The following FTO variants were observed in gnomAD, a reference collection of about 807,000 sequenced individuals.
The protein encoded by FTO is alpha-ketoglutarate-dependent dioxygenase FTO.
In FTO, 47 loss-of-function variants were observed where a neutral mutation model predicts 63.9. The observed-to-expected ratio is 0.74, with a 90% CI of 0.58 to 0.94. The LOEUF (loss-of-function observed/expected upper bound fraction) is 0.94, where lower values mean the gene tolerates loss of function less well. Among genes scored for constraint, FTO ranks in the 40% least tolerant of loss-of-function variants. The pLI is 0.00. For missense variants in FTO, 562 were observed against 618.1 expected (o/e 0.91, Z 0.96); for synonymous variants, 207 against 224.4 (o/e 0.92, Z 0.69).
intron 8 of FTO, among the ~76,000 whole-genome samples, chr16:54,015,753 C>T (rs8043737): frequency 0.52 from 79,707 of 152,016 alleles, 23,409 homozygotes; most frequent in African/African-American, 0.79. Flanking sequence ...TTCTGTGAAG[C>T]GCGGGTACTT....
intron 8 of FTO, among the ~76,000 whole-genome samples, chr16:53,936,485 G>A (rs2143303131): frequency 6.6e-6 from 1 of 152,300 alleles, no homozygotes; most frequent in East Asian, 1.9e-4. Flanking sequence ...CCTCATCAAA[G>A]TGTCATCTGG....
chr16:54,108,014 TCTCCCCTGGCTG>T (rs2086795317), intron 8 of FTO, among the ~76,000 whole-genome samples: 2 of 152,046 alleles, frequency 1.3e-5, no homozygotes, highest in African/African-American at 4.8e-5. Context: ...CAATCAAGGC[TCTCCCCTGGCTG>T]TAGAGGTGGA....
At chr16:53,977,698 A>C (rs1279248873) in intron 8 of FTO, among the ~76,000 whole-genome samples, 1 of 152,096 alleles carries the variant, frequency 6.6e-6, no homozygotes, top group African/African-American at 2.4e-5. Context: ...TATTTCTTTG[A>C]AGCATGATGA....
At chr16:53,891,367 T>A (rs573371684) in intron 7 of FTO, among the ~76,000 whole-genome samples, 2,484 of 152,090 alleles carry the variant, frequency 0.016, 66 homozygotes, top group African/African-American at 0.057. Context: ...TTATTTTTTT[T>A]AAGTAAAATC....
At chr16:53,843,042 A>G (rs1365205437) in intron 3 of FTO, among the ~76,000 whole-genome samples, 1 of 152,162 alleles carries the variant, frequency 6.6e-6, no homozygotes, top group African/African-American at 2.4e-5. Flanking sequence ...AGATAGTTCC[A>G]TATCTGTATA....
intron 8 of FTO, among the ~76,000 whole-genome samples, chr16:54,096,901 C>T (rs887698178): frequency 6.6e-6 from 1 of 152,164 alleles, no homozygotes; most frequent in Non-Finnish European, 1.5e-5. Flanking sequence ...AGGACACAGA[C>T]ATTTAGTCCG....
chr16:53,748,928 C>T (rs138723930), intron 1 of FTO, among the ~76,000 whole-genome samples: 27 of 151,832 alleles, frequency 1.8e-4, no homozygotes, highest in African/African-American at 6.5e-4. Flanking sequence ...CGTGCCCGGC[C>T]AACTTTTTTG....
At chr16:53,711,163 G>GTA (rs60261423) in intron 1 of FTO, among the ~76,000 whole-genome samples, 4,118 of 150,196 alleles carry the variant, frequency 0.027, 94 homozygotes, top group Middle Eastern at 0.066. Context: ...TATTCTGTAT[G>GTA]TATATATATA....
intron 8 of FTO, among the ~76,000 whole-genome samples, chr16:54,030,223 A>T (rs2084797478): frequency 6.6e-6 from 1 of 152,216 alleles, no homozygotes; most frequent in African/African-American, 2.4e-5. Context: ...ATAGTTCTAG[A>T]ATTCTGTCTA....
intron 4 of FTO, among the ~76,000 whole-genome samples, chr16:53,867,527 G>A (rs1363749672): frequency 6.7e-6 from 1 of 149,848 alleles, no homozygotes; most frequent in African/African-American, 2.5e-5. Flanking sequence ...GTGTGTGTGT[G>A]TTTGTGTGTA....
intron 1 of FTO, among the ~76,000 whole-genome samples, chr16:53,743,607 G>T (rs1375774235): frequency 6.7e-6 from 1 of 148,986 alleles, no homozygotes; most frequent in Non-Finnish European, 1.5e-5. Flanking sequence ...ATTGTAACAT[G>T]TTTGCAGATA....
chr16:54,048,144 A>C (rs1486441052), intron 8 of FTO, among the ~76,000 whole-genome samples: 1 of 143,736 alleles, frequency 7.0e-6, no homozygotes, highest in Non-Finnish European at 1.5e-5. Flanking sequence ...AAAAAAAAAG[A>C]ATTTCCCTAA....
intron 4 of FTO, among the ~76,000 whole-genome samples, chr16:53,851,108 T>C (rs1412737543): frequency 6.6e-6 from 1 of 152,010 alleles, no homozygotes; most frequent in East Asian, 1.9e-4. Flanking sequence ...TGACGCATGC[T>C]ATCTCTACTA....
chr16:53,770,978 T>A (rs2077320385), intron 1 of FTO, among the ~76,000 whole-genome samples: 1 of 152,176 alleles, frequency 6.6e-6, no homozygotes. Context: ...TTACACACTT[T>A]GCTGTTGTCC....
intron 8 of FTO, among the ~76,000 whole-genome samples, chr16:54,027,995 G>GTT (rs57645591): frequency 6.6e-6 from 1 of 150,964 alleles, no homozygotes; most frequent in African/African-American, 2.4e-5. Flanking sequence ...TGGAGTTTGT[G>GTT]TTTTTTTTTG....
intron 8 of FTO, among the ~76,000 whole-genome samples, chr16:53,976,489 T>C (rs2083441045): frequency 6.6e-6 from 1 of 152,114 alleles, no homozygotes; most frequent in Non-Finnish European, 1.5e-5. Context: ...AAACTTTGTG[T>C]GTTTTTAGAT....
intron 8 of FTO, among the ~76,000 whole-genome samples, chr16:53,966,518 T>C (rs551144017): frequency 1.2e-4 from 18 of 152,342 alleles, no homozygotes; most frequent in African/African-American, 3.4e-4. Flanking sequence ...AACCACAGTT[T>C]GATTTCTCAG....
At chr16:53,928,863 G>T (rs1477358308) in intron 7 of FTO, among the ~76,000 whole-genome samples, 2 of 150,630 alleles carry the variant, frequency 1.3e-5, no homozygotes, top group African/African-American at 4.9e-5. Flanking sequence ...GTTTTTTTTT[G>T]AAATGGAGTC....
intron 1 of FTO, among the ~76,000 whole-genome samples, chr16:53,780,127 G>C (rs1312311686): frequency 2.6e-5 from 4 of 152,114 alleles, no homozygotes; most frequent in Admixed American, 6.6e-5. Flanking sequence ...TCCTTCTCCT[G>C]CTCTGGCTGA....
Sources: gnomAD v4.1 joint callset for allele counts (sites outside exome capture counted in the v4.1 genomes callset) on GRCh38, gnomAD v4.1.1 for gene constraint, MANE v1.5 for transcripts, NCBI Gene and HGNC (gene_info 2026-07-23, HGNC 2026-07-21) for gene names.